SLFN14: variants seen among roughly 807,000 people sequenced by gnomAD.
The protein encoded by SLFN14 is schlafen family member 14.
In SLFN14, 47 loss-of-function variants were observed where a neutral mutation model predicts 58.6. The observed-to-expected ratio is 0.80, with a 90% confidence interval of 0.64 to 1.02. SLFN14 has a LOEUF of 1.02. SLFN14 is among the 50% of genes least tolerant of loss of function. SLFN14 has a pLI of 0.00. For missense variants in SLFN14, 967 were observed against 1,078.4 expected (o/e 0.90, Z 1.45); for synonymous variants, 390 against 387.3 (o/e 1.01, Z -0.08).
chr17:35,549,030 G>T lies in SLFN14; in HGVS notation c.1948C>A (p.Gln650Lys). The change falls in exon 6 of 6, where the codon CAA (glutamine) becomes AAA (lysine). Residue 650 changes from glutamine (Q) to lysine (K), a missense_variant. Coordinates refer to ENST00000674182, the MANE Select transcript of SLFN14 (RefSeq NM_001129820.2). ...TGTTTAATCTTTAGAAACTCCCCTTGCATGAAAGTTTTCCTGGTCACAGCT... is the reference window on the plus strand; with the variant it reads ...TGTTTAATCTTTAGAAACTCCCCTTTCATGAAAGTTTTCCTGGTCACAGCT... ...CQAVTRKTFMQGEFLKIKHIV... is the reference protein window; with the variant it reads ...CQAVTRKTFMKGEFLKIKHIV... The T allele has an allele frequency of 6.4e-7, 1 of 1,551,614 alleles. No individual in the cohort carries two copies. The highest frequency in any genetic ancestry group is 8.7e-7 in the Non-Finnish European group (1 of 1,146,978).
rs778000386 is a variant in SLFN14 at position 35,553,348 on chromosome 17, T to C, written c.1286A>G (p.His429Arg). ...ELEGLMKTLIHPCSQGIVIFS... is the reference protein window; with the variant it reads ...ELEGLMKTLIRPCSQGIVIFS... ...TATCACAATCCCCTGAGAACAAGGA[T>C]GTATCAGGGTCTTCATTAAACCCTC... Residue 429 changes from histidine (H) to arginine (R), a missense_variant, in exon 5 of 6, where the codon CAT becomes CGT. His to Arg is a conservative substitution (Grantham distance 29). Coordinates refer to ENST00000674182, the MANE Select transcript of SLFN14 (RefSeq NM_001129820.2). 4 of 1,551,524 alleles carry C rather than the reference T, an allele frequency of 2.6e-6. No individual in the cohort carries two copies. Among genetic ancestry groups the C allele is most frequent in the Non-Finnish European group, 2.6e-6 (3 of 1,146,978 alleles).
intron 2 of SLFN14, among the ~76,000 whole-genome samples, chr17:35,558,731 C>T (rs958933696): frequency 6.6e-6 from 1 of 152,132 alleles, no homozygotes; most frequent in Non-Finnish European, 1.5e-5. Flanking sequence ...AACGCCAACA[C>T]TGAGCCCAGA....
intron 5 of SLFN14, among the ~76,000 whole-genome samples, chr17:35,551,640 C>T (rs925624019): frequency 6.6e-6 from 1 of 152,212 alleles, no homozygotes; most frequent in Non-Finnish European, 1.5e-5. Flanking sequence ...GGGTCTCTGA[C>T]TCCCTGGTCA....
Position 35,557,745 on chromosome 17 carries a change from C to G in SLFN14, c.318G>C (p.Leu106=). ...CTGGGCTCCATGACTTCACAAAAAT[C>G]AGGAGATTGTGCCCCTGCTGCATGT... ...LDYMQQGHNL[L]IFVKSWSPDV... The change falls in exon 3 of 6, where the codon CTG becomes CTC. Residue 106 remains leucine, a synonymous_variant. Coordinates refer to ENST00000674182, the MANE Select transcript of SLFN14 (RefSeq NM_001129820.2). 1.3e-6 allele frequency: 2 copies of G among 1,551,688 alleles called. No individual in the cohort carries two copies. The highest frequency in any genetic ancestry group is 1.7e-6 in the Non-Finnish European group (2 of 1,146,990).
intron 5 of SLFN14, among the ~76,000 whole-genome samples, chr17:35,552,084 C>G (rs562557108): frequency 2.6e-5 from 4 of 152,352 alleles, no homozygotes; most frequent in Admixed American, 1.3e-4. Context: ...TGAGTAAAAT[C>G]TACCACGGAC....
chr17:35,554,748 GT>G, intron 3 of SLFN14, 44 bp from the exon 4 acceptor site: 1 of 933,450 alleles, frequency 1.1e-6, no homozygotes. Context: ...AAAATAAAAA[GT>G]TAAAAAAAAA....
Position 35,548,680 on chromosome 17 carries a change from G to A in SLFN14, c.2298C>T (p.Ser766=), listed in dbSNP as rs866416810. The A allele has an allele frequency of 5.2e-6, 8 of 1,551,624 alleles. No homozygotes were observed. The highest frequency in any genetic ancestry group is 1.7e-4 in the Middle Eastern group (1 of 6,014). ...ACGTTGCTTCCTCATAGGCAGTCTC[G>A]CTGAACAATGCTAATGTGTCTGGAG... The part of the protein sequence containing the change: ...NMSPDTLALF[S]ETAYEEATCA... The change falls in exon 6 of 6, where the codon AGC becomes AGT. Residue 766 remains serine (S), a synonymous_variant. Coordinates refer to ENST00000674182, the MANE Select transcript of SLFN14 (RefSeq NM_001129820.2).
intron 5 of SLFN14, 119 bp from the exon 6 acceptor site, chr17:35,549,192 G>A: frequency 1.3e-6 from 1 of 785,110 alleles, no homozygotes; most frequent in Admixed American, 2.7e-5. Context: ...CATTGATTCA[G>A]TAGTGTGAAT....
intron 5 of SLFN14, among the ~76,000 whole-genome samples, chr17:35,550,406 C>A (rs546456669): frequency 6.6e-6 from 1 of 152,168 alleles, no homozygotes; most frequent in African/African-American, 2.4e-5. Flanking sequence ...ATTAGCTAGG[C>A]GTGGTGATGC....
chr17:35,549,935 C>G (rs1029270468), intron 5 of SLFN14, among the ~76,000 whole-genome samples: 1 of 152,160 alleles, frequency 6.6e-6, no homozygotes, highest in Non-Finnish European at 1.5e-5. Flanking sequence ...TTGAGTTAGC[C>G]TTTTGACTGG....
chr17:35,550,741 T>G (rs1295322208), intron 5 of SLFN14, among the ~76,000 whole-genome samples: 1 of 152,218 alleles, frequency 6.6e-6, no homozygotes, highest in Non-Finnish European at 1.5e-5. Context: ...CATAATGATT[T>G]TGCCCTCTTT....
intron 4 of SLFN14, 47 bp from the exon 5 acceptor site, chr17:35,553,491 G>A (rs188832888): frequency 3.9e-5 from 55 of 1,395,178 alleles, no homozygotes; most frequent in Non-Finnish European, 5.0e-5. Flanking sequence ...AAAAGCATGT[G>A]GTAAGTATTC....
Position 35,552,753 on chromosome 17 carries a change from G to A in SLFN14, c.1881C>T (p.Ser627=), listed in dbSNP as rs541898258. ...ACGTCACAAAATCCTTTAGGGAGTC[G>A]CTTTCACAAACATAGAGGATCTCTT... ...KPKEILYVCE[S]DSLKDFVTQQ... is the part of the protein sequence containing the mutation. Residue 627 remains serine, a synonymous_variant, in exon 5 of 6, where the codon AGC becomes AGT. Coordinates refer to ENST00000674182, the MANE Select transcript of SLFN14 (RefSeq NM_001129820.2). 18 of 1,548,276 alleles carry A rather than the reference G, an allele frequency of 1.2e-5. No homozygotes were observed. The highest frequency in any genetic ancestry group is 1.7e-4 in the Middle Eastern group (1 of 6,002).
rs547830000 is a variant in SLFN14 at position 35,556,235 on chromosome 17, G to A, written c.1060+768C>T. Among the ~76,000 whole-genome samples, 5 of 151,966 alleles carry A rather than the reference G, an allele frequency of 3.3e-5. No individual in the cohort carries two copies. In the South Asian group the frequency reaches 6.2e-4, roughly 19 times the overall value. On this transcript the variant is annotated intron_variant, in intron 3 of 5. Transcript: ENST00000674182. ...ATATTTGGGGGAGAGATAGGGCTTC[G>A]CTATTTTGGCCAGGCTGGTCTCAAA...
intron 4 of SLFN14, among the ~76,000 whole-genome samples, 199 bp downstream of exon 4, chr17:35,554,377 G>A (rs1321651860): frequency 6.9e-6 from 1 of 145,374 alleles, no homozygotes; most frequent in Non-Finnish European, 1.5e-5. Flanking sequence ...TTTTAAATAA[G>A]TATATATATG....
chr17:35,557,412 G>A lies in SLFN14; in HGVS notation c.651C>T (p.Thr217=), dbSNP rs2072663086. Residue 217 remains threonine (T), a synonymous_variant, in exon 3 of 6, where the codon ACC becomes ACT. Transcript: ENST00000674182. ...CCTTAATCCGAGGTATGACTTTTTT[G>A]GTGGTGAACCTTTTAAATTCAACAT... The part of the protein sequence containing the change: ...STHVEFKRFT[T]KKVIPRIKEM... 1.9e-6 allele frequency: 3 copies of A among 1,551,562 alleles called. No individual in the cohort carries two copies. The highest frequency in any genetic ancestry group is 2.6e-6 in the Non-Finnish European group (3 of 1,146,958).
intron 3 of SLFN14, among the ~76,000 whole-genome samples, chr17:35,556,591 G>A (rs908373654): frequency 6.6e-6 from 1 of 152,110 alleles, no homozygotes; most frequent in African/African-American, 2.4e-5. Context: ...TTCAAGACCA[G>A]CCTGGGCAAC....
rs2072665835 is a variant in SLFN14 at position 35,557,608 on chromosome 17, T to C, written c.455A>G (p.Glu152Gly). The change falls in exon 3 of 6, where the codon GAG becomes GGG. Residue 152 changes from glutamate (E) to glycine (G), a missense_variant. By Grantham distance (98) the Glu-to-Gly change is moderately conservative. Coordinates refer to ENST00000674182, the MANE Select transcript of SLFN14 (RefSeq NM_001129820.2). ...TCCTCTTTGGGCTCTAAACCCCTTCTCTCTGAGAAGCTCCAGGGCACTGCT... is the reference window on the plus strand; with the variant it reads ...TCCTCTTTGGGCTCTAAACCCCTTCCCTCTGAGAAGCTCCAGGGCACTGCT... ...SASSALELLR[E>G]KGFRAQRGRP... is the part of the protein sequence containing the mutation. The C allele has an allele frequency of 6.4e-7, 1 of 1,551,714 alleles. No homozygotes were observed. Among genetic ancestry groups the C allele is most frequent in the Non-Finnish European group, 8.7e-7 (1 of 1,147,004 alleles).
rs321609 is a variant in SLFN14 at position 35,553,657 on chromosome 17, G to T, written c.1190-213C>A. On this transcript the variant is annotated intron_variant, in intron 4 of 5. Transcript: ENST00000674182. Reference sequence around the variant, plus strand: ...TGTCTGGAAAATTTTTTCTTTTTTTGTGAGACGGAGTCTCGCTGTCACCCA... The same window carrying T: ...TGTCTGGAAAATTTTTTCTTTTTTTTTGAGACGGAGTCTCGCTGTCACCCA... Among the ~76,000 whole-genome samples, 108,356 of 151,954 alleles carry T rather than the reference G, an allele frequency of 0.71. 39,416 individuals are homozygous for T. Among genetic ancestry groups the T allele is most frequent in the African/African-American group, 0.86 (35,494 of 41,446 alleles).
Sources: allele counts gnomAD v4.1 joint callset (sites outside exome capture counted in the v4.1 genomes callset), GRCh38; gene constraint gnomAD v4.1.1; transcripts MANE v1.5; gene names NCBI Gene and HGNC (gene_info 2026-07-23, HGNC 2026-07-21).